The following GTF3C4 variants were observed in gnomAD, a reference collection of about 807,000 sequenced individuals.
GTF3C4 encodes the protein general transcription factor IIIC subunit 4, also known as general transcription factor 3C polypeptide 4.
In GTF3C4, 28 loss-of-function variants were observed where a neutral mutation model predicts 67.5. The ratio of observed to expected loss-of-function variants is 0.41; its 90% CI spans 0.31 to 0.57. The LOEUF (loss-of-function observed/expected upper bound fraction) is 0.57, where lower values mean the gene tolerates loss of function less well. GTF3C4 is among the 20% of genes least tolerant of loss of function. GTF3C4 has a pLI of 0.21. For missense variants in GTF3C4, 831 were observed against 1,033.2 expected, an observed-to-expected ratio of 0.80 and a Z score of 2.68; for synonymous variants, 409 against 393.0, an observed-to-expected ratio of 1.04 and a Z score of -0.48.
rs1836087416 is a variant in GTF3C4, at chr9:132,689,831, T to G, written c.*886T>G. On this transcript the variant is annotated 3_prime_UTR_variant, in exon 5 of 5. Coordinates refer to ENST00000372146, the MANE Select transcript of GTF3C4 (RefSeq NM_012204.4). The stretch of plus-strand genomic sequence containing the variant: ...ATGTTGACATTTCCAGATGTTTCAT[T>G]TAGTATCCAGGGGTCTGTCTGGAGA... 6.6e-6 allele frequency: 1 copy of G among 152,216 alleles called. No individual in the cohort carries two copies. Among genetic ancestry groups the G allele is most frequent in the Admixed American group, 6.5e-5 (1 of 15,278 alleles). The allele number at this position is 152,216 out of a possible 1,614,324, so 9.4% of individuals were successfully genotyped here.
At position 132,674,177 on chromosome 9, in the gene GTF3C4, G is replaced by A. The variant is rs142464302; in HGVS notation, c.357+3222G>A. Among the ~76,000 whole-genome samples the A allele has an allele frequency of 1.2e-3, 189 of 152,314 alleles. 7 individuals carry two copies. In the South Asian group the frequency reaches 0.036, roughly 29 times the overall value. ...CTAACAGTTAGTATTAAAAGTATTT[G>A]CCATTAAAAGTGATGGTGAAAACCG... is the stretch of plus-strand genomic sequence containing the variant. On this transcript the variant is annotated intron_variant, in intron 1 of 4. Coordinates refer to ENST00000372146, the MANE Select transcript of GTF3C4 (RefSeq NM_012204.4).
intron 4 of GTF3C4, among the ~76,000 whole-genome samples, chr9:132,687,725 T>A (rs984785822): frequency 6.6e-6 from 1 of 152,224 alleles, no homozygotes; most frequent in Non-Finnish European, 1.5e-5. Context: ...GGATATTCAC[T>A]TGGAGTCATT....
rs199984441 is a variant in GTF3C4, at chr9:132,670,624, T to A, written c.26T>A (p.Val9Glu). ...ATGAACACGGCCGACCAGGCCCGGG[T>A]GGGGCCCGCGGACGACGGGCCTGCG... MNTADQAR[V>E]GPADDGPAPS... Residue 9 changes from valine (V) to glutamate (E), a missense_variant, in exon 1 of 5, where the codon GTG becomes GAG. Val to Glu is a moderately radical substitution (Grantham distance 121). Coordinates refer to ENST00000372146, the MANE Select transcript of GTF3C4 (RefSeq NM_012204.4). 51 of 1,435,272 alleles carry A rather than the reference T, an allele frequency of 3.6e-5. No homozygotes were observed. The Admixed American group carries it at 1.2e-3, about 33-fold the overall frequency. 88.9% of individuals were successfully genotyped at this position (1,435,272 alleles called of 1,614,324 possible).
In GTF3C4 at chr9:132,682,531, T is replaced by TA. The variant is rs66740441; in HGVS notation, c.2185-1019dup. 6.5e-3 allele frequency among the ~76,000 whole-genome samples: 913 copies of TA among 139,634 alleles called. 7 individuals are homozygous for TA. The highest frequency in any genetic ancestry group is 0.021 in the African/African-American group (788 of 38,086). 91.6% of individuals were successfully genotyped at this position (139,634 alleles called of 152,430 possible). A position where few individuals can be genotyped will look rare whatever the true frequency, so the allele number is the denominator to read the frequency against. On this transcript the variant is annotated intron_variant, in intron 2 of 4. Coordinates refer to ENST00000372146, the MANE Select transcript of GTF3C4 (RefSeq NM_012204.4). ...CCAAATTACATATCCAGTGAAGTTT[T>TA]AAAAAAAAAAAAAGAATTGGATTCA...
intron 3 of GTF3C4, among the ~76,000 whole-genome samples, chr9:132,684,207 TC>T (rs1336702286): frequency 6.6e-6 from 1 of 152,244 alleles, no homozygotes; most frequent in African/African-American, 2.4e-5. Flanking sequence ...TGGTTGCTTA[TC>T]ATCTGCACAC....
Position 132,678,444 on chromosome 9 carries a change from C to T in GTF3C4, c.825C>T (p.Leu275=), listed in dbSNP as rs750309211. The T allele has an allele frequency of 7.0e-5, 113 of 1,614,200 alleles. 1 individual carries two copies. The South Asian group carries it at 1.2e-3, about 17-fold the overall frequency. The stretch of plus-strand genomic sequence containing the variant: ...AATGCCGGGACGTTGGCAGTGTGCT[C>T]CTGGCTGTCCTCTTTGAAAACGGTA... The part of the protein sequence containing the change: ...NNECRDVGSV[L]LAVLFENGNI... Residue 275 remains leucine, a synonymous_variant, in exon 2 of 5, where the codon CTC becomes CTT. Coordinates refer to ENST00000372146, the MANE Select transcript of GTF3C4 (RefSeq NM_012204.4). The surrounding 1 kb of genome is among the most constrained non-coding windows in gnomAD (Gnocchi z 6.5).
At chr9:132,672,391 A>T (rs1835797478) in intron 1 of GTF3C4, among the ~76,000 whole-genome samples, 1 of 152,218 alleles carries the variant, frequency 6.6e-6, no homozygotes, top group African/African-American at 2.4e-5. Flanking sequence ...GTGAATCTGC[A>T]GCAGTCCTAA....
At chr9:132,687,819 A>G (rs1674861749) in intron 4 of GTF3C4, among the ~76,000 whole-genome samples, 1 of 152,164 alleles carries the variant, frequency 6.6e-6, no homozygotes, top group African/African-American at 2.4e-5. Flanking sequence ...TTTCTGAGAT[A>G]ACTACCTGGA....
chr9:132,692,135 T>G lies in GTF3C4; in HGVS notation c.*3190T>G, dbSNP rs190551857. The G allele has an allele frequency of 3.3e-5, 5 of 152,336 alleles. No individual in the cohort carries two copies. The highest frequency in any genetic ancestry group is 1.2e-4 in the African/African-American group (5 of 41,576). 9.4% of individuals were successfully genotyped at this position (152,336 alleles called of 1,614,324 possible). A position where few individuals can be genotyped will look rare whatever the true frequency, so the allele number is the denominator to read the frequency against. On this transcript the variant is annotated 3_prime_UTR_variant, in exon 5 of 5. Coordinates refer to ENST00000372146, the MANE Select transcript of GTF3C4 (RefSeq NM_012204.4). ...ATTGGCACAGGATCTTTCCATCGTT[T>G]CTGCTCCTGACCTCTCTCTCTTGCC...
intron 2 of GTF3C4, among the ~76,000 whole-genome samples, chr9:132,681,397 A>G (rs942519166): frequency 1.3e-5 from 2 of 152,218 alleles, no homozygotes; most frequent in Admixed American, 1.3e-4. Context: ...GAGTTTATTG[A>G]AGACCACGCA....
chr9:132,682,595 CTTTT>C (rs34962674), intron 2 of GTF3C4, among the ~76,000 whole-genome samples: 6 of 92,574 alleles, frequency 6.5e-5, no homozygotes, highest in Admixed American at 1.4e-4. Flanking sequence ...ACAGTATAAT[CTTTT>C]TTTTTTTTTT....
rs1477158466 is a variant in GTF3C4 at position 132,691,071 on chromosome 9, GGGAC to G, written c.*2127_*2130del. ...TTTTCTAGAACGTGGACTCACTGCA[GGGAC>G]TGGACCCAATGGCATTGTTAAGACC... On this transcript the variant is annotated 3_prime_UTR_variant, in exon 5 of 5. Transcript: ENST00000372146. 1 of 152,192 alleles carries G rather than the reference GGGAC, an allele frequency of 6.6e-6. No individual in the cohort carries two copies. Among genetic ancestry groups the G allele is most frequent in the Admixed American group, 6.5e-5 (1 of 15,282 alleles). 9.4% of individuals were successfully genotyped at this position (152,192 alleles called of 1,614,324 possible).
rs368103877 is a variant in GTF3C4 at position 132,679,555 on chromosome 9, G to C, written c.1936G>C (p.Glu646Gln). The C allele has an allele frequency of 9.9e-6, 16 of 1,614,040 alleles. No homozygotes were observed. The highest frequency in any genetic ancestry group is 1.4e-5 in the Non-Finnish European group (16 of 1,180,044). The change falls in exon 2 of 5, where the codon GAG (glutamate) becomes CAG (glutamine). Residue 646 changes from glutamate to glutamine, a missense_variant. By Grantham distance (29) the Glu-to-Gln change is conservative. Around this residue, in one of 4 missense-constraint regions of GTF3C4, gnomAD observed 75 missense variants for 66.4 expected, o/e 1.13. Coordinates refer to ENST00000372146, the MANE Select transcript of GTF3C4 (RefSeq NM_012204.4). This position sits in a 1 kb window ranked among gnomAD's most constrained non-coding sequence, Gnocchi z 5.9. ...GGAGAGGAGCAAGGAAGGAGATGTA[G>C]AGGAGCCCACTGATGACTCGCTCCC... is the stretch of plus-strand genomic sequence containing the variant. ...LQERSKEGDV[E>Q]EPTDDSLPTT...
chr9:132,689,014 A>G lies in GTF3C4; in HGVS notation c.*69A>G. The stretch of plus-strand genomic sequence containing the variant: ...ATAGAAAACTTCCTCCAGCCTGAAG[A>G]GAAGGATGCACTGGAGGAAGCCGGA... On this transcript the variant is annotated 3_prime_UTR_variant, in exon 5 of 5. Coordinates refer to ENST00000372146, the MANE Select transcript of GTF3C4 (RefSeq NM_012204.4). 8.6e-7 allele frequency: 1 copy of G among 1,165,736 alleles called. No individual in the cohort carries two copies. The highest frequency in any genetic ancestry group is 1.3e-6 in the Non-Finnish European group (1 of 778,484). The allele number at this position is 1,165,736 out of a possible 1,614,324, so 72.2% of individuals were successfully genotyped here.
At chr9:132,676,578 C>T (rs1183526282) in intron 1 of GTF3C4, among the ~76,000 whole-genome samples, 1 of 152,106 alleles carries the variant, frequency 6.6e-6, no homozygotes, top group Non-Finnish European at 1.5e-5. Flanking sequence ...ACCTCGGCCT[C>T]CCAAAGTGCT....
chr9:132,678,501 T>C lies in GTF3C4; in HGVS notation c.882T>C (p.Phe294=), dbSNP rs1162315150. The stretch of plus-strand genomic sequence containing the variant: ...CCGTGTGGCAGTTTCAGCTGCCGTT[T>C]GTAGGAAAAGAATCCATCTCTTCAT... The part of the protein sequence containing the change: ...NIAVWQFQLP[F]VGKESISSCN... The change falls in exon 2 of 5, where the codon TTT becomes TTC. Residue 294 remains phenylalanine, a synonymous_variant. Coordinates refer to ENST00000372146, the MANE Select transcript of GTF3C4 (RefSeq NM_012204.4). The surrounding 1 kb of genome is among the most constrained non-coding windows in gnomAD (Gnocchi z 6.5). The C allele has an allele frequency of 3.3e-5, 54 of 1,614,112 alleles. No individual in the cohort carries two copies. The highest frequency in any genetic ancestry group is 4.5e-5 in the Non-Finnish European group (53 of 1,180,048).
rs1282801289 is a variant in GTF3C4, at chr9:132,678,000, T to C, written c.381T>C (p.Ala127=). The stretch of plus-strand genomic sequence containing the variant: ...AGGTTGGCTCAAAAACAGAAGTTGC[T>C]GAGTGCAAGGAGAAATTCGCCGCCT... ...LLKVGSKTEV[A]ECKEKFAASK... The change falls in exon 2 of 5, where the codon GCT becomes GCC. Residue 127 remains alanine (A), a synonymous_variant. Coordinates refer to ENST00000372146, the MANE Select transcript of GTF3C4 (RefSeq NM_012204.4). 1.2e-6 allele frequency: 2 copies of C among 1,603,280 alleles called. No individual in the cohort carries two copies. The highest frequency in any genetic ancestry group is 3.5e-5 in the Admixed American group (2 of 57,434).
intron 1 of GTF3C4, among the ~76,000 whole-genome samples, chr9:132,672,853 C>T (rs910991811): frequency 3.3e-5 from 5 of 152,136 alleles, no homozygotes; most frequent in Non-Finnish European, 7.4e-5. Context: ...AATCACTTGG[C>T]CCAGTTCTTG....
At chr9:132,671,643 G>A (rs1195054483) in intron 1 of GTF3C4, among the ~76,000 whole-genome samples, 1 of 152,162 alleles carries the variant, frequency 6.6e-6, no homozygotes, top group Non-Finnish European at 1.5e-5. Flanking sequence ...AAGCCATAGC[G>A]TTCCTTTTAG....
Sources: gnomAD v4.1 joint callset for allele counts (sites outside exome capture counted in the v4.1 genomes callset) on GRCh38, gnomAD v4.1.1 for gene constraint, gnomAD v4.1.1 regional missense constraint, Gnocchi (gnomAD v3.1) non-coding constraint, MANE v1.5 for transcripts, NCBI Gene and HGNC (gene_info 2026-07-23, HGNC 2026-07-21) for gene names.